The following ALK variants were observed in gnomAD, a reference collection of about 807,000 sequenced individuals.
The protein encoded by ALK is ALK tyrosine kinase receptor.
In ALK, 74 loss-of-function variants were observed where a neutral mutation model predicts 163.1. That is an observed-to-expected ratio of 0.45 (90% confidence interval 0.38 to 0.55). ALK has a LOEUF of 0.55. ALK is among the 20% of genes least tolerant of loss of function. The probability of loss-of-function intolerance (pLI) is 0.00; values close to 1 mark genes in which losing one functional copy is unlikely to be tolerated. For missense variants in ALK, 2,063 were observed against 2,105.3 expected (o/e 0.98, Z 0.39); for synonymous variants, 960 against 843.2 (o/e 1.14, Z -2.40).
At chr2:29,284,092 C>T (rs1391220446) in intron 9 of ALK, among the ~76,000 whole-genome samples, 1 of 152,082 alleles carries the variant, frequency 6.6e-6, no homozygotes. Context: ...AGAGAGAAGT[C>T]AAGAAAGACT....
At chr2:29,204,994 G>A (rs1197912483) in intron 26 of ALK, among the ~76,000 whole-genome samples, 2 of 152,150 alleles carry the variant, frequency 1.3e-5, no homozygotes, top group East Asian at 1.9e-4. Context: ...ACCCAGCCCT[G>A]TACTCTTTGG....
chr2:29,821,251 G>C (rs1665040555), intron 1 of ALK, among the ~76,000 whole-genome samples: 1 of 152,182 alleles, frequency 6.6e-6, no homozygotes, highest in South Asian at 2.1e-4. Context: ...CCTACCCTCG[G>C]TGTTATAGTT....
chr2:29,846,384 T>C (rs112921697), intron 1 of ALK, among the ~76,000 whole-genome samples: 77 of 152,352 alleles, frequency 5.1e-4, no homozygotes, highest in African/African-American at 1.8e-3. Context: ...CTCATCACTA[T>C]ATAAAATTGC....
In ALK at chr2:29,268,303, T is replaced by G. The variant is rs553166478; in HGVS notation, c.2041+6796A>C. 2.0e-5 allele frequency among the ~76,000 whole-genome samples: 3 copies of G among 152,316 alleles called. No homozygotes were observed. The South Asian group carries it at 6.2e-4, about 32-fold the overall frequency. ...CCTTTCTATCTCACAGGACACATTT[T>G]GAAAATGATGATTAGTTCAGAATAA... On this transcript the variant is annotated intron_variant, in intron 11 of 28. Coordinates refer to ENST00000389048, the MANE Select transcript of ALK (RefSeq NM_004304.5).
intron 3 of ALK, among the ~76,000 whole-genome samples, chr2:29,658,091 A>C (rs1438502925): frequency 6.6e-6 from 1 of 152,150 alleles, no homozygotes; most frequent in Non-Finnish European, 1.5e-5. Context: ...TCCAGTGTTC[A>C]TCTGCTCCTC....
intron 1 of ALK, among the ~76,000 whole-genome samples, chr2:29,814,655 C>T (rs1664848722): frequency 6.8e-6 from 1 of 146,682 alleles, no homozygotes; most frequent in Non-Finnish European, 1.5e-5. Flanking sequence ...GCAAGACTCC[C>T]TCTCCAAAAA....
intron 8 of ALK, among the ~76,000 whole-genome samples, chr2:29,301,848 G>A (rs972745967): frequency 3.9e-5 from 6 of 152,174 alleles, no homozygotes; most frequent in African/African-American, 1.2e-4. Flanking sequence ...CCCAGGGATG[G>A]TGTGAAGGCT....
chr2:29,833,116 G>A (rs534212098), intron 1 of ALK, among the ~76,000 whole-genome samples: 3 of 152,258 alleles, frequency 2.0e-5, no homozygotes, highest in Admixed American at 6.5e-5. Flanking sequence ...CAAGACCTCC[G>A]GACTCCGGCC....
At chr2:29,654,442 C>G (rs2339535) in intron 3 of ALK, among the ~76,000 whole-genome samples, 119,943 of 152,092 alleles carry the variant, frequency 0.79, 47,894 homozygotes, top group African/African-American at 0.92. Flanking sequence ...GTCTAGCATG[C>G]CTTCCAGTAA....
intron 6 of ALK, among the ~76,000 whole-genome samples, chr2:29,325,682 A>C (rs1667234139): frequency 6.6e-6 from 1 of 152,244 alleles, no homozygotes; most frequent in Admixed American, 6.5e-5. Flanking sequence ...AGCCTGAATC[A>C]CTGCTCAGCT....
At chr2:29,483,769 A>T (rs1671719378) in intron 4 of ALK, among the ~76,000 whole-genome samples, 1 of 152,142 alleles carries the variant, frequency 6.6e-6, no homozygotes, top group South Asian at 2.1e-4. Context: ...TCTTATGCTT[A>T]TTGCTTTCTT....
At chr2:29,744,083 C>G (rs147940345) in intron 1 of ALK, among the ~76,000 whole-genome samples, 1 of 152,122 alleles carries the variant, frequency 6.6e-6, no homozygotes, top group Non-Finnish European at 1.5e-5. Context: ...AATCTTGCAA[C>G]TTTTCCTATT....
chr2:29,529,138 C>G (rs968906259), intron 4 of ALK, among the ~76,000 whole-genome samples: 1 of 152,178 alleles, frequency 6.6e-6, no homozygotes. Flanking sequence ...CCTGCCCCAC[C>G]CGTGCACGAC....
chr2:29,370,488 AG>A (rs1243522756), intron 5 of ALK, among the ~76,000 whole-genome samples: 1 of 152,222 alleles, frequency 6.6e-6, no homozygotes, highest in African/African-American at 2.4e-5. Context: ...GGAGATAATC[AG>A]GGCCCTTGTC....
At chr2:29,865,035 G>T (rs997156821) in intron 1 of ALK, among the ~76,000 whole-genome samples, 1 of 152,132 alleles carries the variant, frequency 6.6e-6, no homozygotes, top group Non-Finnish European at 1.5e-5. Context: ...TGAGTTCAAT[G>T]GGCTTTTGCT....
intron 24 of ALK, among the ~76,000 whole-genome samples, chr2:29,211,354 G>T (rs984613121): frequency 8.4e-6 from 1 of 119,578 alleles, no homozygotes; most frequent in African/African-American, 3.0e-5. Flanking sequence ...TAGCAAAGTA[G>T]ACCAGGAACA....
chr2:29,523,420 A>T (rs1461179950), intron 4 of ALK, among the ~76,000 whole-genome samples: 8 of 152,178 alleles, frequency 5.3e-5, no homozygotes, highest in Non-Finnish European at 1.2e-4. Flanking sequence ...TGGAAGGCTG[A>T]ATGAGCTTCC....
chr2:29,242,340 G>A (rs1458759446), intron 12 of ALK, among the ~76,000 whole-genome samples: 1 of 152,228 alleles, frequency 6.6e-6, no homozygotes, highest in Non-Finnish European at 1.5e-5. Context: ...TGGTTGAGAG[G>A]TAAGCGTCAT....
chr2:29,314,325 T>C (rs980709359), intron 8 of ALK, among the ~76,000 whole-genome samples: 2 of 152,106 alleles, frequency 1.3e-5, no homozygotes, highest in African/African-American at 4.8e-5. Context: ...TCCAGGCCCA[T>C]GTAGACGTGG....
Sources: gnomAD v4.1 joint callset for allele counts (sites outside exome capture counted in the v4.1 genomes callset) on GRCh38, gnomAD v4.1.1 for gene constraint, MANE v1.5 for transcripts, NCBI Gene and HGNC (gene_info 2026-07-23, HGNC 2026-07-21) for gene names.